Variants in MEGF9 observed in about 807,000 individuals in gnomAD.
MEGF9 encodes multiple EGF like domains 9, also known as multiple epidermal growth factor-like domains protein 9.
A neutral mutation model predicts 46.8 loss-of-function variants in MEGF9; 6 were observed. That is an observed-to-expected ratio of 0.13 (90% CI 0.07 to 0.25). MEGF9 has a LOEUF of 0.25. MEGF9 is among the 10% of genes least tolerant of loss of function. The pLI, the probability that MEGF9 is intolerant of heterozygous loss-of-function variation, is 1.00. For synonymous variants in MEGF9, 302 were observed against 330.7 expected (o/e 0.91, Z 0.94); for missense variants, 683 against 792.4 (o/e 0.86, Z 1.66).
chr9:120,685,796 A>C (rs987917949), intron 1 of MEGF9, among the ~76,000 whole-genome samples: 3 of 152,224 alleles, frequency 2.0e-5, no homozygotes, highest in Non-Finnish European at 4.4e-5. Flanking sequence ...CACTATTCAC[A>C]ATACTCAAGA....
chr9:120,626,524 A>G (rs2043526266), intron 2 of MEGF9, among the ~76,000 whole-genome samples: 1 of 152,228 alleles, frequency 6.6e-6, no homozygotes. Context: ...TTTCAAAAGA[A>G]AATTCACTGG....
chr9:120,659,788 A>AGT (rs67080202), intron 1 of MEGF9, among the ~76,000 whole-genome samples: 12,122 of 143,026 alleles, frequency 0.085, 831 homozygotes, highest in East Asian at 0.25. Context: ...TGTGTGTGAC[A>AGT]GTGTGTGTGT....
At chr9:120,698,396 C>G (rs7849643) in intron 1 of MEGF9, among the ~76,000 whole-genome samples, 1 of 152,136 alleles carries the variant, frequency 6.6e-6, no homozygotes, top group Non-Finnish European at 1.5e-5. Context: ...ACCATTACTG[C>G]TGTAACTGGC....
intron 1 of MEGF9, among the ~76,000 whole-genome samples, 153 bp downstream of exon 1, chr9:120,713,605 G>A (rs1219595375): frequency 1.3e-5 from 2 of 152,180 alleles, no homozygotes; most frequent in African/African-American, 2.4e-5. Context: ...GGGGGCGGGA[G>A]GGAGACTAGC....
chr9:120,636,823 G>GC (rs1302953911), intron 2 of MEGF9, among the ~76,000 whole-genome samples: 1 of 148,474 alleles, frequency 6.7e-6, no homozygotes, highest in Non-Finnish European at 1.5e-5. Context: ...GTGGGGGGGC[G>GC]CCCCCGCCCG....
chr9:120,680,040 T>G lies in MEGF9; in HGVS notation c.602-20465A>C, dbSNP rs116329783. Among the ~76,000 whole-genome samples, 528 of 152,350 alleles carry G rather than the reference T, an allele frequency of 3.5e-3. 6 individuals are homozygous for G. Among genetic ancestry groups the G allele is most frequent in the African/African-American group, 0.012 (505 of 41,578 alleles). ...TTATTTTTACTTATTTCAATTTCTG[T>G]TAAACGTCTCTAATAGAATTCTGAC... On this transcript the variant is annotated intron_variant, in intron 1 of 5. Transcript: ENST00000373930.
At chr9:120,706,912 C>T (rs192680572) in intron 1 of MEGF9, among the ~76,000 whole-genome samples, 1 of 152,182 alleles carries the variant, frequency 6.6e-6, no homozygotes, top group Admixed American at 6.5e-5. Context: ...AGACAGTAAA[C>T]GCCAAGGAAG....
intron 1 of MEGF9, among the ~76,000 whole-genome samples, chr9:120,701,764 G>A (rs1322172742): frequency 6.6e-6 from 1 of 152,200 alleles, no homozygotes; most frequent in Non-Finnish European, 1.5e-5. Context: ...CCTAGACAAG[G>A]TGGGGAGCAG....
In MEGF9 at chr9:120,714,370, G is replaced by C; in HGVS notation, c.-12C>G. On this transcript the variant is annotated 5_prime_UTR_variant, in exon 1 of 6. Transcript: ENST00000373930. ...GCTCCGCCATTCATTCATTCAGCCA[G>C]TCGGTTGGTCAGTCATCTTCTCCTC... The C allele has an allele frequency of 7.7e-7, 1 of 1,301,214 alleles. No homozygotes were observed. The highest frequency in any genetic ancestry group is 9.7e-7 in the Non-Finnish European group (1 of 1,025,734). The allele number at this position is 1,301,214 out of a possible 1,614,324, so 80.6% of individuals were successfully genotyped here.
chr9:120,710,118 C>T (rs1170704109), intron 1 of MEGF9, among the ~76,000 whole-genome samples: 1 of 151,092 alleles, frequency 6.6e-6, no homozygotes, highest in Non-Finnish European at 1.5e-5. Context: ...CAGCATCTCT[C>T]TTCACCCTGC....
intron 1 of MEGF9, among the ~76,000 whole-genome samples, chr9:120,671,531 G>T (rs1219976467): frequency 1.3e-5 from 2 of 152,172 alleles, no homozygotes; most frequent in Non-Finnish European, 2.9e-5. Flanking sequence ...TGATGAAATG[G>T]ACCAATCTCT....
At chr9:120,648,470 T>A (rs996660530) in intron 2 of MEGF9, among the ~76,000 whole-genome samples, 1 of 152,086 alleles carries the variant, frequency 6.6e-6, no homozygotes, top group African/African-American at 2.4e-5. Flanking sequence ...GAAGACGTCT[T>A]TTTCTTTATA....
At chr9:120,648,962 G>A (rs979222657) in intron 2 of MEGF9, among the ~76,000 whole-genome samples, 3 of 152,170 alleles carry the variant, frequency 2.0e-5, no homozygotes, top group East Asian at 1.9e-4. Flanking sequence ...CCCTGAGCAT[G>A]GGATGGGGCT....
At chr9:120,677,929 C>T (rs1034700605) in intron 1 of MEGF9, among the ~76,000 whole-genome samples, 2 of 152,170 alleles carry the variant, frequency 1.3e-5, no homozygotes, top group Non-Finnish European at 1.5e-5. Context: ...ATGCAACCCC[C>T]GACTACTCTT....
intron 2 of MEGF9, among the ~76,000 whole-genome samples, chr9:120,633,875 G>A: frequency 6.6e-6 from 1 of 152,014 alleles, no homozygotes; most frequent in Admixed American, 6.6e-5. Flanking sequence ...TAATTTTTGT[G>A]TATTTGTATA....
chr9:120,639,093 TTTTCA>T (rs2043591199), intron 2 of MEGF9, among the ~76,000 whole-genome samples: 1 of 152,262 alleles, frequency 6.6e-6, no homozygotes, highest in Admixed American at 6.5e-5. Flanking sequence ...GTGGCTTGTC[TTTTCA>T]TTTCATTTAT....
intron 1 of MEGF9, among the ~76,000 whole-genome samples, chr9:120,660,880 T>C (rs764309435): frequency 2.0e-5 from 3 of 152,212 alleles, no homozygotes; most frequent in Non-Finnish European, 4.4e-5. Flanking sequence ...TAAGGCACTA[T>C]ATAAAATGGC....
chr9:120,613,193 T>C (rs2043456657), intron 3 of MEGF9, among the ~76,000 whole-genome samples: 1 of 152,064 alleles, frequency 6.6e-6, no homozygotes, highest in Non-Finnish European at 1.5e-5. Flanking sequence ...GAATAACACA[T>C]ACAGAAAGAG....
intron 1 of MEGF9, among the ~76,000 whole-genome samples, chr9:120,688,023 G>A (rs2043831197): frequency 6.6e-6 from 1 of 151,642 alleles, no homozygotes; most frequent in South Asian, 2.1e-4. Flanking sequence ...AAATATCATC[G>A]TACTCAAACT....
Sources: allele counts gnomAD v4.1 joint callset (sites outside exome capture counted in the v4.1 genomes callset), GRCh38; gene constraint gnomAD v4.1.1; transcripts MANE v1.5; gene names NCBI Gene and HGNC (gene_info 2026-07-23, HGNC 2026-07-21).